The following LEPR variants were observed in gnomAD, a reference collection of about 807,000 sequenced individuals.
The protein encoded by LEPR is leptin receptor.
In LEPR, 56 loss-of-function variants were observed where a neutral mutation model predicts 114.7. That is an observed-to-expected ratio of 0.49 (90% CI 0.39 to 0.61). LEPR has a LOEUF of 0.61. LEPR is among the 20% of genes least tolerant of loss of function. The pLI, the probability that LEPR is intolerant of heterozygous loss-of-function variation, is 0.00. For missense variants in LEPR, 1,202 were observed against 1,352.9 expected, an observed-to-expected ratio of 0.89 and a Z score of 1.75; for synonymous variants, 443 against 461.4, an observed-to-expected ratio of 0.96 and a Z score of 0.51.
intron 2 of LEPR, among the ~76,000 whole-genome samples, chr1:65,461,744 G>A (rs549749946): frequency 6.6e-6 from 1 of 152,266 alleles, no homozygotes; most frequent in East Asian, 1.9e-4. Context: ...ATGGAGAGAG[G>A]AAAAACTAAC....
chr1:65,440,556 C>T (rs950736912), intron 2 of LEPR, among the ~76,000 whole-genome samples: 6 of 151,966 alleles, frequency 3.9e-5, no homozygotes, highest in African/African-American at 1.2e-4. Context: ...TAGAAGATGA[C>T]GTTTGAAGGA....
Position 65,572,367 on chromosome 1 carries a change from A to C in LEPR, c.412A>C (p.Lys138Gln), listed in dbSNP as rs753988957. The change falls in exon 5 of 20, where the codon AAA (lysine) becomes CAA (glutamine). Residue 138 changes from lysine to glutamine, a missense_variant. Transcript: ENST00000349533. ...ACAGTGCTGGCTAAAAGGAGACTTA[A>C]AATTATTCATCTGTTATGTGGAGTC... The part of the protein sequence containing the change: ...NIQCWLKGDL[K>Q]LFICYVESLF... 3.1e-6 allele frequency: 5 copies of C among 1,600,240 alleles called. No homozygotes were observed. The Admixed American group carries it at 8.5e-5, about 27-fold the overall frequency.
intron 15 of LEPR, among the ~76,000 whole-genome samples, chr1:65,616,795 G>A (rs994830242): frequency 1.5e-4 from 23 of 152,060 alleles, no homozygotes; most frequent in African/African-American, 5.6e-4. Context: ...GGAATTTCTA[G>A]TCTAGATTAC....
chr1:65,625,653 G>A (rs890907845), intron 19 of LEPR, among the ~76,000 whole-genome samples: 5 of 152,088 alleles, frequency 3.3e-5, no homozygotes, highest in South Asian at 2.1e-4. Context: ...TAGTGTATCC[G>A]TGGGGGTGAG....
intron 2 of LEPR, among the ~76,000 whole-genome samples, chr1:65,517,234 G>T (rs1274997382): frequency 1.3e-5 from 2 of 152,212 alleles, no homozygotes; most frequent in African/African-American, 4.8e-5. Context: ...AGACCTGAAA[G>T]ATTCATACAC....
chr1:65,555,880 C>T (rs1316154327), intron 2 of LEPR, among the ~76,000 whole-genome samples: 4 of 152,120 alleles, frequency 2.6e-5, no homozygotes, highest in African/African-American at 9.7e-5. Context: ...TGGCATGTTT[C>T]CATGTCATGT....
At chr1:65,512,991 TCAC>T (rs919329224) in intron 2 of LEPR, among the ~76,000 whole-genome samples, 1 of 152,198 alleles carries the variant, frequency 6.6e-6, no homozygotes, top group African/African-American at 2.4e-5. Context: ...CTGCATATAT[TCAC>T]CATCTGGAAG....
chr1:65,579,379 G>A lies in LEPR; in HGVS notation c.494+6930G>A, dbSNP rs6685162. ...GGGAGAGAAAAGTTGATAATCGAAG[G>A]GGAGCCATTGAAGATATTTTATTGA... On this transcript the variant is annotated intron_variant, in intron 5 of 19. Transcript: ENST00000349533. Among the ~76,000 whole-genome samples, 502 of 152,224 alleles carry A rather than the reference G, an allele frequency of 3.3e-3. 5 individuals carry two copies. The highest frequency in any genetic ancestry group is 0.012 in the African/African-American group (482 of 41,534).
rs1007280298 is a variant in LEPR at position 65,641,246 on chromosome 1, T to G, written c.*4231T>G. ...CATATTTACTAAAAAAACCTGGAACTGAGACTGAATTTGGAAGACATTTAA... is the reference window on the plus strand; with the variant it reads ...CATATTTACTAAAAAAACCTGGAACGGAGACTGAATTTGGAAGACATTTAA... On this transcript the variant is annotated 3_prime_UTR_variant, in exon 20 of 20. Coordinates refer to ENST00000349533, the MANE Select transcript of LEPR (RefSeq NM_002303.6). 6.6e-6 allele frequency: 1 copy of G among 152,240 alleles called. No individual in the cohort carries two copies. The highest frequency in any genetic ancestry group is 2.4e-5 in the African/African-American group (1 of 41,462). 9.4% of individuals were successfully genotyped at this position (152,240 alleles called of 1,614,324 possible).
At chr1:65,464,025 TCG>T (rs561107824) in intron 2 of LEPR, among the ~76,000 whole-genome samples, 76 of 152,268 alleles carry the variant, frequency 5.0e-4, no homozygotes, top group Non-Finnish European at 8.2e-4. Flanking sequence ...TTTCTTTCTC[TCG>T]CTTGATTGCC....
chr1:65,597,670 T>C (rs1656158957), intron 7 of LEPR, among the ~76,000 whole-genome samples: 1 of 152,124 alleles, frequency 6.6e-6, no homozygotes, highest in African/African-American at 2.4e-5. Flanking sequence ...TGGAGCTCAA[T>C]GAAAGGCCTC....
At chr1:65,480,091 T>C (rs1031084627) in intron 2 of LEPR, among the ~76,000 whole-genome samples, 2 of 152,082 alleles carry the variant, frequency 1.3e-5, no homozygotes, top group African/African-American at 2.4e-5. Context: ...TTGAGAAAAG[T>C]AGTCAACCAC....
At chr1:65,567,780 A>G (rs2100793188) in intron 3 of LEPR, among the ~76,000 whole-genome samples, 1 of 152,298 alleles carries the variant, frequency 6.6e-6, no homozygotes, top group Middle Eastern at 3.4e-3. Context: ...TTAGGTTCAC[A>G]GCAAAATTGA....
intron 2 of LEPR, among the ~76,000 whole-genome samples, chr1:65,557,663 A>G (rs1570689003): frequency 6.6e-6 from 1 of 151,988 alleles, no homozygotes; most frequent in Admixed American, 6.6e-5. Context: ...CAAGTGATCC[A>G]CCCGCCTTGG....
At chr1:65,628,972 T>C (rs1333007491) in intron 19 of LEPR, among the ~76,000 whole-genome samples, 1 of 152,154 alleles carries the variant, frequency 6.6e-6, no homozygotes, top group Non-Finnish European at 1.5e-5. Flanking sequence ...TGTCTGACTT[T>C]TGGTTTTTCT....
intron 2 of LEPR, among the ~76,000 whole-genome samples, chr1:65,518,413 G>A (rs1258662836): frequency 1.3e-5 from 2 of 152,108 alleles, no homozygotes; most frequent in Non-Finnish European, 2.9e-5. Context: ...TCTTTAAAGA[G>A]CCTTTTGTGT....
chr1:65,437,793 C>T (rs995851131), intron 2 of LEPR, among the ~76,000 whole-genome samples: 4 of 151,926 alleles, frequency 2.6e-5, no homozygotes, highest in African/African-American at 9.7e-5. Context: ...GCCATGAAAG[C>T]CTCACCCAAA....
intron 2 of LEPR, among the ~76,000 whole-genome samples, chr1:65,518,115 T>C (rs879272253): frequency 2.6e-5 from 4 of 152,220 alleles, no homozygotes; most frequent in Admixed American, 6.5e-5. Context: ...TGTTTTGTAG[T>C]GTGATCTGTG....
intron 2 of LEPR, among the ~76,000 whole-genome samples, chr1:65,538,956 AT>A (rs1451867519): frequency 6.8e-6 from 1 of 147,074 alleles, no homozygotes; most frequent in African/African-American, 2.5e-5. Flanking sequence ...TTTTTGTGTG[AT>A]TATTTTCTCC....
Sources: gnomAD v4.1 joint callset for allele counts (sites outside exome capture counted in the v4.1 genomes callset) on GRCh38, gnomAD v4.1.1 for gene constraint, MANE v1.5 for transcripts, NCBI Gene and HGNC (gene_info 2026-07-23, HGNC 2026-07-21) for gene names.